SP3: variants seen among roughly 807,000 people sequenced by gnomAD.
SP3 encodes the protein transcription factor Sp3.
A neutral mutation model predicts 70.3 loss-of-function variants in SP3; 10 were observed. The ratio of observed to expected loss-of-function variants is 0.14; its 90% CI spans 0.09 to 0.24. The LOEUF is 0.24. Ranked by LOEUF, SP3 falls within the 10% of genes least tolerant of loss-of-function variation. SP3 has a pLI of 1.00. For missense variants in SP3, 825 were observed against 914.6 expected (o/e 0.90, Z 1.26); for synonymous variants, 402 against 333.5 (o/e 1.21, Z -2.24).
intron 4 of SP3, among the ~76,000 whole-genome samples, chr2:173,950,136 A>AT (rs1238926804): frequency 6.6e-6 from 1 of 152,132 alleles, no homozygotes; most frequent in Non-Finnish European, 1.5e-5. Context: ...TTGGCGCCTG[A>AT]TGTTTCCAGG....
At position 173,927,552 on chromosome 2, in the gene SP3, A is replaced by G. The variant is rs555478565; in HGVS notation, c.1640-8767T>C. On this transcript the variant is annotated intron_variant, in intron 4 of 6. Coordinates refer to ENST00000310015, the MANE Select transcript of SP3 (RefSeq NM_003111.5). ...CTCGGTCTCCCAAAGTGCTGGGATT[A>G]CAGGAATGAGCCACCCCACCCGACC... Among the ~76,000 whole-genome samples, 6 of 152,282 alleles carry G rather than the reference A, an allele frequency of 3.9e-5. No homozygotes were observed. In the East Asian group the frequency reaches 1.2e-3, roughly 29 times the overall value.
intron 4 of SP3, among the ~76,000 whole-genome samples, chr2:173,931,516 G>T (rs997216003): frequency 6.6e-6 from 1 of 151,420 alleles, no homozygotes; most frequent in African/African-American, 2.4e-5. Context: ...GCTAATTTTT[G>T]TATTTTCAGT....
chr2:173,940,248 A>G (rs1690331221), intron 4 of SP3, among the ~76,000 whole-genome samples: 1 of 152,158 alleles, frequency 6.6e-6, no homozygotes, highest in South Asian at 2.1e-4. Context: ...CATGGAAGAC[A>G]ATTTTACTGC....
At chr2:173,952,292 A>C (rs1690732413) in intron 4 of SP3, among the ~76,000 whole-genome samples, 1 of 152,192 alleles carries the variant, frequency 6.6e-6, no homozygotes, top group Non-Finnish European at 1.5e-5. Context: ...ATATGCAGCA[A>C]AAATGCTTTA....
chr2:173,955,377 C>G lies in SP3; in HGVS notation c.1135G>C (p.Glu379Gln). ...QGNYIQSPVSEETQAQNIQVS... is the reference protein window; with the variant it reads ...QGNYIQSPVSQETQAQNIQVS... ...TGAATATTCTGTGCCTGTGTCTCTT[C>G]AGAAACAGGCGACTGGATATAATTT... The change falls in exon 4 of 7, where the codon GAA becomes CAA. Residue 379 changes from glutamate (E) to glutamine (Q), a missense_variant. By Grantham distance (29) the Glu-to-Gln change is conservative. Coordinates refer to ENST00000310015, the MANE Select transcript of SP3 (RefSeq NM_003111.5). 1 of 1,614,004 alleles carries G rather than the reference C, an allele frequency of 6.2e-7. No homozygotes were observed. The highest frequency in any genetic ancestry group is 8.5e-7 in the Non-Finnish European group (1 of 1,180,006).
rs1198313277 is a variant in SP3, at chr2:173,902,316, A to G, written c.*7625T>C. 6.6e-6 allele frequency among the ~76,000 whole-genome samples: 1 copy of G among 152,274 alleles called. No individual in the cohort carries two copies. Among genetic ancestry groups the G allele is most frequent in the Non-Finnish European group, 1.5e-5 (1 of 68,048 alleles). On this transcript the variant is annotated 3_prime_UTR_variant, in exon 7 of 7. Coordinates refer to ENST00000310015, the MANE Select transcript of SP3 (RefSeq NM_003111.5). ...CATTGTTATTCATTGGAAAAAACAT[A>G]TCTGCCAAGGCAGGATTGGGAGGGT...
intron 1 of SP3, chr2:173,964,769 C>T (rs1691234306): frequency 1.1e-5 from 5 of 444,658 alleles, no homozygotes; most frequent in East Asian, 7.5e-5. Context: ...TCCTCCTCCT[C>T]TTTCCCTCCT....
intron 6 of SP3, among the ~76,000 whole-genome samples, chr2:173,912,708 T>C (rs1428627721): frequency 6.6e-6 from 1 of 151,104 alleles, no homozygotes; most frequent in African/African-American, 2.4e-5. Context: ...AACAGGAGTA[T>C]TTTTTGTTAC....
chr2:173,919,169 T>C (rs535778324), intron 4 of SP3, among the ~76,000 whole-genome samples: 6 of 152,306 alleles, frequency 3.9e-5, no homozygotes, highest in Non-Finnish European at 7.4e-5. Flanking sequence ...ATGCCTTTTA[T>C]GTGCAAATAA....
chr2:173,925,764 C>G (rs969467102), intron 4 of SP3, among the ~76,000 whole-genome samples: 1 of 151,960 alleles, frequency 6.6e-6, no homozygotes, highest in Non-Finnish European at 1.5e-5. Flanking sequence ...CTGCCTTGTC[C>G]CCATAAGCTT....
At chr2:173,932,466 C>T (rs1033897425) in intron 4 of SP3, among the ~76,000 whole-genome samples, 1 of 151,238 alleles carries the variant, frequency 6.6e-6, no homozygotes, top group African/African-American at 2.4e-5. Flanking sequence ...GCTGGGATTA[C>T]AGGAGTGAGC....
At chr2:173,965,126 G>GGCGGCA (rs767734037) in intron 1 of SP3, 39 bp downstream of exon 1, 33 of 1,547,360 alleles carry the variant, frequency 2.1e-5, no homozygotes, top group East Asian at 2.5e-5. Context: ...CAGCGGCGGC[G>GGCGGCA]GCGGCAGCAG....
chr2:173,915,830 T>C (rs192997437), intron 5 of SP3: 10 of 152,252 alleles, frequency 6.6e-5, no homozygotes, highest in Admixed American at 4.6e-4. Context: ...TCAATAAATA[T>C]TTGCTAAATA....
At chr2:173,932,296 A>T (rs1690087386) in intron 4 of SP3, among the ~76,000 whole-genome samples, 1 of 152,138 alleles carries the variant, frequency 6.6e-6, no homozygotes, top group African/African-American at 2.4e-5. Context: ...GGTTCAAGCA[A>T]TTGTTCTGCC....
intron 3 of SP3, among the ~76,000 whole-genome samples, chr2:173,961,598 T>C (rs1194393416): frequency 1.3e-5 from 2 of 152,232 alleles, no homozygotes; most frequent in Non-Finnish European, 2.9e-5. Flanking sequence ...TAGGGGAAGC[T>C]GGATGAAGGG....
At chr2:173,928,239 G>A (rs533148059) in intron 4 of SP3, among the ~76,000 whole-genome samples, 9 of 152,266 alleles carry the variant, frequency 5.9e-5, no homozygotes, top group African/African-American at 1.9e-4. Context: ...AGATGGCCAC[G>A]GCAGGTATAT....
At chr2:173,933,020 A>C (rs532874852) in intron 4 of SP3, among the ~76,000 whole-genome samples, 10 of 152,214 alleles carry the variant, frequency 6.6e-5, no homozygotes, top group South Asian at 2.1e-4. Context: ...AATAATGAAA[A>C]GGTTTGAAAT....
At chr2:173,960,006 CA>C (rs1387202530) in intron 3 of SP3, among the ~76,000 whole-genome samples, 1 of 152,058 alleles carries the variant, frequency 6.6e-6, no homozygotes, top group Non-Finnish European at 1.5e-5. Context: ...CCCATCTCTA[CA>C]AAAAATACAA....
intron 4 of SP3, among the ~76,000 whole-genome samples, chr2:173,929,917 A>AT (rs1389312834): frequency 6.6e-6 from 1 of 152,118 alleles, no homozygotes; most frequent in Non-Finnish European, 1.5e-5. Flanking sequence ...TATCTATTTG[A>AT]TTCTATCCAA....
Sources: allele counts gnomAD v4.1 joint callset (sites outside exome capture counted in the v4.1 genomes callset), GRCh38; gene constraint gnomAD v4.1.1; transcripts MANE v1.5; gene names NCBI Gene and HGNC (gene_info 2026-07-23, HGNC 2026-07-21).